The following RBFOX1 variants were observed in gnomAD, a reference collection of about 807,000 sequenced individuals.
The protein encoded by RBFOX1 is RNA binding fox-1 homolog 1, also known as RNA binding protein fox-1 homolog 1.
In RBFOX1, 8 loss-of-function variants were observed where a neutral mutation model predicts 57.7. The ratio of observed to expected loss-of-function variants is 0.14; its 90% CI spans 0.08 to 0.25. The LOEUF is 0.25. Among genes scored for constraint, RBFOX1 ranks in the 10% least tolerant of loss-of-function variants. RBFOX1 has a pLI of 1.00. For missense variants in RBFOX1, 611 were observed against 548.5 expected (o/e 1.11, Z -1.14); for synonymous variants, 326 against 222.4 (o/e 1.47, Z -4.15).
At chr16:6,544,232 G>A (rs1448471449) in intron 2 of RBFOX1, among the ~76,000 whole-genome samples, 1 of 152,158 alleles carries the variant, frequency 6.6e-6, no homozygotes, top group Non-Finnish European at 1.5e-5. Flanking sequence ...CACACTTGGT[G>A]GGGAAAGAGG....
At chr16:6,901,495 C>A (rs543032729) in intron 3 of RBFOX1, among the ~76,000 whole-genome samples, 1 of 152,130 alleles carries the variant, frequency 6.6e-6, no homozygotes, top group Non-Finnish European at 1.5e-5. Context: ...CCATGACTCT[C>A]GACCTGGAAT....
intron 2 of RBFOX1, among the ~76,000 whole-genome samples, chr16:5,520,274 A>G (rs1055905672): frequency 6.6e-6 from 1 of 152,206 alleles, no homozygotes; most frequent in South Asian, 2.1e-4. Flanking sequence ...ATTCCTACCC[A>G]TTAGAAAATT....
At chr16:5,434,955 G>A (rs2067871731) in intron 1 of RBFOX1, among the ~76,000 whole-genome samples, 1 of 152,014 alleles carries the variant, frequency 6.6e-6, no homozygotes, top group Non-Finnish European at 1.5e-5. Context: ...CTTTCCTCCT[G>A]CTATTAATTT....
chr16:6,186,031 ATG>A lies in RBFOX1; in HGVS notation c.-126-130958_-126-130957del, dbSNP rs766766301. ...ATTATTATTTCTCTATTCTCCTTGG[ATG>A]TGTGTTTCTTGCAACGGAAGTAGGA... On this transcript the variant is annotated intron_variant, in intron 1 of 15. Coordinates refer to ENST00000550418, the MANE Select transcript of RBFOX1 (RefSeq NM_018723.4). Among the ~76,000 whole-genome samples, 71 of 152,232 alleles carry A rather than the reference ATG, an allele frequency of 4.7e-4. No homozygotes were observed. In the Middle Eastern group the frequency reaches 0.014, roughly 29 times the overall value.
At chr16:6,528,880 C>G (rs1255073439) in intron 2 of RBFOX1, among the ~76,000 whole-genome samples, 1 of 152,126 alleles carries the variant, frequency 6.6e-6, no homozygotes, top group East Asian at 1.9e-4. Flanking sequence ...TCCCAAATGT[C>G]TCCTGGTGGA....
chr16:6,764,764 C>A (rs573267746), intron 3 of RBFOX1, among the ~76,000 whole-genome samples: 3 of 152,046 alleles, frequency 2.0e-5, no homozygotes, highest in African/African-American at 7.2e-5. Context: ...TGGTGAAACC[C>A]TGTCTCTACC....
In RBFOX1 at chr16:7,190,124, G is replaced by T. The variant is rs1270747695; in HGVS notation, c.27+138026G>T. On this transcript the variant is annotated intron_variant, in intron 4 of 15. Transcript: ENST00000550418. ...TCCTGTAATCCCAGAACTTTGGGAG[G>T]CCAAGGCGGGCAGATTGTTCTAGGT... is the stretch of plus-strand genomic sequence containing the variant. Among the ~76,000 whole-genome samples the T allele has an allele frequency of 2.0e-5, 3 of 152,164 alleles. No individual in the cohort carries two copies. In the East Asian group the frequency reaches 5.8e-4, roughly 29 times the overall value.
chr16:5,558,742 T>G (rs948773547), intron 2 of RBFOX1, among the ~76,000 whole-genome samples: 9 of 152,084 alleles, frequency 5.9e-5, no homozygotes, highest in African/African-American at 2.2e-4. Flanking sequence ...GGGTCTGTCT[T>G]TGTAGCTTTC....
intron 4 of RBFOX1, among the ~76,000 whole-genome samples, chr16:7,119,936 T>C (rs1414709559): frequency 1.3e-5 from 2 of 152,150 alleles, no homozygotes; most frequent in East Asian, 1.9e-4. Context: ...TTTACCAAGA[T>C]AAACCATATT....
intron 4 of RBFOX1, among the ~76,000 whole-genome samples, chr16:7,495,714 C>T (rs996907492): frequency 6.6e-6 from 1 of 152,070 alleles, no homozygotes; most frequent in African/African-American, 2.4e-5. Flanking sequence ...GTCTCAGAAA[C>T]CTTTTTACAT....
chr16:5,359,146 A>G (rs572377784), intron 1 of RBFOX1, among the ~76,000 whole-genome samples: 2 of 152,280 alleles, frequency 1.3e-5, no homozygotes, highest in South Asian at 4.1e-4. Flanking sequence ...TCAGGACCTC[A>G]TTCTTTTTTG....
At chr16:6,670,303 C>G (rs1049663473) in intron 3 of RBFOX1, among the ~76,000 whole-genome samples, 3 of 152,044 alleles carry the variant, frequency 2.0e-5, no homozygotes, top group Admixed American at 2.0e-4. Flanking sequence ...GTCCGGAGCT[C>G]AAGCAGTCCT....
At chr16:6,165,251 G>C (rs2096908756) in intron 1 of RBFOX1, among the ~76,000 whole-genome samples, 1 of 152,106 alleles carries the variant, frequency 6.6e-6, no homozygotes, top group South Asian at 2.1e-4. Flanking sequence ...TACAGCAAGT[G>C]CTTAATAAAT....
At chr16:7,680,279 G>A (rs1205493861) in intron 14 of RBFOX1, among the ~76,000 whole-genome samples, 1 of 152,132 alleles carries the variant, frequency 6.6e-6, no homozygotes, top group Non-Finnish European at 1.5e-5. Context: ...AGGTGCGGAG[G>A]GGGTGGAAAA....
Position 7,709,027 on chromosome 16 carries a change from A to G in RBFOX1, c.996-29A>G, listed in dbSNP as rs778890643. ...ATTGTTTTGTAATTGCATACTGTGGATCAATCTTCACCTCTATTTTCCTTT... is the reference window on the plus strand; with the variant it reads ...ATTGTTTTGTAATTGCATACTGTGGGTCAATCTTCACCTCTATTTTCCTTT... On this transcript the variant is annotated intron_variant, in intron 14 of 15. Coordinates refer to ENST00000550418, the MANE Select transcript of RBFOX1 (RefSeq NM_018723.4). 1.3e-4 allele frequency: 202 copies of G among 1,579,086 alleles called. No homozygotes were observed. In the South Asian group the frequency reaches 2.1e-3, roughly 16 times the overall value.
chr16:7,090,779 C>T (rs534771473), intron 4 of RBFOX1, among the ~76,000 whole-genome samples: 1 of 152,112 alleles, frequency 6.6e-6, no homozygotes, highest in Non-Finnish European at 1.5e-5. Context: ...GCCTTCCCTA[C>T]GGACTTCTTG....
intron 2 of RBFOX1, among the ~76,000 whole-genome samples, chr16:6,465,980 G>C (rs1379543187): frequency 6.6e-6 from 1 of 151,920 alleles, no homozygotes; most frequent in South Asian, 2.1e-4. Flanking sequence ...TGTAATCCTA[G>C]CATATTGAGA....
intron 1 of RBFOX1, among the ~76,000 whole-genome samples, chr16:6,223,291 G>C (rs1023063327): frequency 1.3e-5 from 2 of 150,728 alleles, no homozygotes; most frequent in Non-Finnish European, 1.5e-5. Context: ...CTTCCACAAT[G>C]GTTGAACTAG....
At chr16:6,974,965 C>G (rs1407054101) in intron 3 of RBFOX1, among the ~76,000 whole-genome samples, 7 of 152,182 alleles carry the variant, frequency 4.6e-5, no homozygotes, top group Non-Finnish European at 1.5e-5. Flanking sequence ...CTAAAAGAAT[C>G]TTCCTCTGCT....
Sources: allele counts gnomAD v4.1 joint callset (sites outside exome capture counted in the v4.1 genomes callset), GRCh38; gene constraint gnomAD v4.1.1; transcripts MANE v1.5; gene names NCBI Gene and HGNC (gene_info 2026-07-23, HGNC 2026-07-21).